The following ITGA7 variants were observed in gnomAD, a reference collection of about 807,000 sequenced individuals.
ITGA7 encodes the protein integrin alpha-7.
In ITGA7, 84 loss-of-function variants were observed where a neutral mutation model predicts 131.6. The ratio of observed to expected loss-of-function variants is 0.64; its 90% CI spans 0.54 to 0.77. The LOEUF (loss-of-function observed/expected upper bound fraction) is 0.77. Ranked by LOEUF, ITGA7 falls within the 30% of genes least tolerant of loss-of-function variation. The probability of loss-of-function intolerance (pLI) is 0.00; values close to 1 mark genes in which losing one functional copy is unlikely to be tolerated. For synonymous variants in ITGA7, 548 were observed against 600.7 expected, an observed-to-expected ratio of 0.91 and a Z score of 1.28; for missense variants, 1,399 against 1,482.9, an observed-to-expected ratio of 0.94 and a Z score of 0.93.
intron 11 of ITGA7, 22 bp from the exon 12 acceptor site, chr12:55,697,090 G>C (rs1301139200): frequency 6.2e-7 from 1 of 1,611,104 alleles, no homozygotes; most frequent in East Asian, 2.2e-5. Context: ...TGGGAAAGGA[G>C]GAGCTGCTGA....
upstream of ITGA7, chr12:55,715,949 C>T: frequency 2.2e-6 from 3 of 1,375,322 alleles, 1 homozygote; most frequent in Non-Finnish European, 1.9e-6. Context: ...AAGAACACTT[C>T]ACCTGCCCTC....
chr12:55,707,672 G>A lies in ITGA7; in HGVS notation c.11C>T (p.Ala4Val), dbSNP rs1268760767. Residue 4 changes from alanine (A) to valine (V), a missense_variant, in exon 1 of 25, where the codon GCT becomes GTT. Coordinates refer to ENST00000257879, the MANE Select transcript of ITGA7 (RefSeq NM_002206.3). MAG[A>V]RSRDPWGASG... The stretch of plus-strand genomic sequence containing the variant: ...GGCCCCCCAAGGGTCGCGGCTCCGA[G>A]CCCCGGCCATGGGACGATCCCTGCG... 2 of 1,576,628 alleles carry A rather than the reference G, an allele frequency of 1.3e-6. No homozygotes were observed. The highest frequency in any genetic ancestry group is 8.6e-7 in the Non-Finnish European group (1 of 1,160,978).
chr12:55,696,910 A>G lies in ITGA7; in HGVS notation c.1726T>C (p.Phe576Leu). Reference protein sequence around the residue: ...QHDRVCGDAMFQLQENVKDKL... With the variant: ...QHDRVCGDAMLQLQENVKDKL... ...GGGTCAGTGTCCACCTGGAGCTGGAACATGGCGTCTCCACAGACTCGGTCA... is the reference window on the plus strand; with the variant it reads ...GGGTCAGTGTCCACCTGGAGCTGGAGCATGGCGTCTCCACAGACTCGGTCA... The change falls in exon 12 of 25, where the codon TTC becomes CTC. Residue 576 changes from phenylalanine to leucine, a missense_variant. Physicochemically the swap from Phe to Leu is conservative, Grantham distance 22. Transcript: ENST00000257879. 1 of 1,614,172 alleles carries G rather than the reference A, an allele frequency of 6.2e-7. No homozygotes were observed. The highest frequency in any genetic ancestry group is 1.1e-5 in the South Asian group (1 of 91,084).
At chr12:55,712,304 C>G, upstream of ITGA7, 1 of 1,469,348 alleles carries the variant, frequency 6.8e-7, no homozygotes, top group Non-Finnish European at 9.3e-7. Flanking sequence ...TCTTTGAGCA[C>G]TGGCTTCAGG....
In ITGA7 at chr12:55,695,569, G is replaced by C. The variant is rs765186458; in HGVS notation, c.1956C>G (p.Ala652=). Residue 652 remains alanine (A), a synonymous_variant, in exon 14 of 25, where the codon GCC becomes GCG. Coordinates refer to ENST00000257879, the MANE Select transcript of ITGA7 (RefSeq NM_002206.3). The stretch of plus-strand genomic sequence containing the variant: ...TGTCGCTGACCCGGGTACAGAAGCG[G>C]GCGCGGACCAGCTGCAGATTGCTCT... The part of the protein sequence containing the change: ...ICQSNLQLVR[A]RFCTRVSDTE... 3.7e-6 allele frequency: 6 copies of C among 1,613,948 alleles called. No homozygotes were observed. Among genetic ancestry groups the C allele is most frequent in the Non-Finnish European group, 5.1e-6 (6 of 1,179,976 alleles).
chr12:55,693,354 GT>G lies in ITGA7; in HGVS notation c.2536-38del, dbSNP rs771698273. On this transcript the variant is annotated intron_variant, in intron 19 of 24. Coordinates refer to ENST00000257879, the MANE Select transcript of ITGA7 (RefSeq NM_002206.3). ...AGAGAGTATGAGGGGAGAGACCTCA[GT>G]TTTTCTTTTTTTTTTTTTTTTAATT... 1.2e-5 allele frequency: 16 copies of G among 1,352,296 alleles called. No homozygotes were observed. The Admixed American group carries it at 1.9e-4, about 16-fold the overall frequency. The allele number at this position is 1,352,296 out of a possible 1,614,324, so 83.8% of individuals were successfully genotyped here. A position where few individuals can be genotyped will look rare whatever the true frequency, so the allele number is the denominator to read the frequency against.
In ITGA7 at chr12:55,695,577, C is replaced by T; in HGVS notation, c.1948G>A (p.Val650Ile). The T allele has an allele frequency of 6.2e-7, 1 of 1,613,952 alleles. No homozygotes were observed. Among genetic ancestry groups the T allele is most frequent in the Non-Finnish European group, 8.5e-7 (1 of 1,179,976 alleles). ...ACCCGGGTACAGAAGCGGGCGCGGA[C>T]CAGCTGCAGATTGCTCTGGCAGATC... ...DKICQSNLQL[V>I]RARFCTRVSD... Residue 650 changes from valine to isoleucine, a missense_variant, in exon 14 of 25, where the codon GTC becomes ATC. Val to Ile is a conservative substitution (Grantham distance 29, BLOSUM62 3). Transcript: ENST00000257879.
intron 22 of ITGA7, 100 bp downstream of exon 22, chr12:55,688,744 G>A (rs1194592744): frequency 6.8e-6 from 6 of 880,290 alleles, no homozygotes; most frequent in South Asian, 4.2e-5. Context: ...AAAGGGGGGG[G>A]ATGCTGCATT....
intron 21 of ITGA7, among the ~76,000 whole-genome samples, chr12:55,690,054 G>A (rs946158405): frequency 6.6e-6 from 1 of 152,170 alleles, no homozygotes; most frequent in East Asian, 1.9e-4. Flanking sequence ...TCAGGACATA[G>A]GCATGGGCAA....
chr12:55,688,332 A>G (rs1324469361), intron 22 of ITGA7, 32 bp from the exon 23 acceptor site: 1 of 1,457,926 alleles, frequency 6.9e-7, no homozygotes, highest in Non-Finnish European at 9.6e-7. Context: ...CCCTTCTCCT[A>G]AATGCCCCAT....
Position 55,699,898 on chromosome 12 carries a change from G to A in ITGA7, c.762C>T (p.Ala254=), listed in dbSNP as rs376003902. 214 of 1,612,310 alleles carry A rather than the reference G, an allele frequency of 1.3e-4. 1 individual carries two copies. Among genetic ancestry groups the A allele is most frequent in the South Asian group, 5.1e-4 (46 of 90,564 alleles). Residue 254 remains alanine, a synonymous_variant, in exon 5 of 25, where the codon GCC becomes GCT. Transcript: ENST00000257879. ...LDPADRLPGP[A]GDLALNSYLG... ...AGTAGCTATTGAGGGCCAAGTCTCC[G>A]GCTGGTCCTGGGAGCCGGTCAGCAG...
intron 22 of ITGA7, 137 bp from the exon 23 acceptor site, chr12:55,688,437 C>G (rs1280359187): frequency 3.9e-6 from 3 of 772,832 alleles, no homozygotes; most frequent in Non-Finnish European, 4.5e-6. Flanking sequence ...GAGTATGCTG[C>G]GTTTGGGCTG....
Position 55,696,435 on chromosome 12 carries a change from AG to A in ITGA7, c.1738-4del. On this transcript the variant is annotated splice_region_variant and splice_polypyrimidine_tract_variant and intron_variant, in intron 12 of 24. Coordinates refer to ENST00000257879, the MANE Select transcript of ITGA7 (RefSeq NM_002206.3). ...CGAAGCTTGTCTTTGACATTTTCCT[AG>A]GAAGAGGAAGGTCTATTCCTCACTG... is the stretch of plus-strand genomic sequence containing the variant. The A allele has an allele frequency of 6.3e-7, 1 of 1,594,268 alleles. No individual in the cohort carries two copies. The highest frequency in any genetic ancestry group is 8.6e-7 in the Non-Finnish European group (1 of 1,168,604).
chr12:55,703,949 C>T (rs1874633778), intron 1 of ITGA7, among the ~76,000 whole-genome samples: 1 of 152,232 alleles, frequency 6.6e-6, no homozygotes, highest in Non-Finnish European at 1.5e-5. Flanking sequence ...CCCTCAGCCT[C>T]TTTCCCAGCT....
In ITGA7 at chr12:55,699,878, C is replaced by A; in HGVS notation, c.782G>T (p.Ser261Ile). The A allele has an allele frequency of 6.2e-7, 1 of 1,607,232 alleles. No homozygotes were observed. Among genetic ancestry groups the A allele is most frequent in the Non-Finnish European group, 8.5e-7 (1 of 1,177,276 alleles). The change falls in exon 5 of 25, where the codon AGC becomes ATC. Residue 261 changes from serine (S) to isoleucine (I), a missense_variant. Transcript: ENST00000257879. ...PGPAGDLALN[S>I]YLGFSIDSGK... ...GGTGGGAGCTTACAAACCTAAGTAG[C>A]TATTGAGGGCCAAGTCTCCGGCTGG...
Position 55,697,245 on chromosome 12 carries a change from G to A in ITGA7, c.1538C>T (p.Ala513Val), listed in dbSNP as rs1299540876. The A allele has an allele frequency of 6.3e-7, 1 of 1,598,778 alleles. No individual in the cohort carries two copies. The highest frequency in any genetic ancestry group is 8.5e-7 in the Non-Finnish European group (1 of 1,172,860). ...AGTAGGGCTATAGCTGCTGGGGACT[G>A]CAATGTAGCTGAAACAGACCCTTAG... is the stretch of plus-strand genomic sequence containing the variant. ...VDLRVCFSYI[A>V]VPSSYSPTVA... The change falls in exon 11 of 25, where the codon GCA becomes GTA. Residue 513 changes from alanine (A) to valine (V), a missense_variant. Ala to Val is a moderately conservative substitution (Grantham distance 64, BLOSUM62 0). Coordinates refer to ENST00000257879, the MANE Select transcript of ITGA7 (RefSeq NM_002206.3).
At position 55,684,599 on chromosome 12, in the gene ITGA7, C is replaced by T. The variant is rs187883419; in HGVS notation, c.*459G>A. On this transcript the variant is annotated 3_prime_UTR_variant, in exon 25 of 25. Coordinates refer to ENST00000257879, the MANE Select transcript of ITGA7 (RefSeq NM_002206.3). ...TCTCAAATATTTTTTAATAAATAGA[C>T]GAAACCACGAAACCACTAGACTGAT... 84 of 171,512 alleles carry T rather than the reference C, an allele frequency of 4.9e-4. No homozygotes were observed. Among genetic ancestry groups the T allele is most frequent in the Admixed American group, 1.3e-3 (22 of 17,384 alleles). 10.6% of individuals were successfully genotyped at this position (171,512 alleles called of 1,614,324 possible). A position where few individuals can be genotyped will look rare whatever the true frequency, so the allele number is the denominator to read the frequency against.
At chr12:55,713,458 T>A (rs1003519451), upstream of ITGA7, among the ~76,000 whole-genome samples, 3 of 152,216 alleles carry the variant, frequency 2.0e-5, no homozygotes, top group African/African-American at 7.2e-5. Flanking sequence ...AGACTCAGGC[T>A]CTGGAGTCAG....
In ITGA7 at chr12:55,707,820, G is replaced by GGGCCC; in HGVS notation, c.-139_-138insGGGCC. The GGGCCC allele has an allele frequency of 2.1e-6, 3 of 1,455,770 alleles. No homozygotes were observed. The highest frequency in any genetic ancestry group is 1.8e-6 in the Non-Finnish European group (2 of 1,102,482). 90.2% of individuals were successfully genotyped at this position (1,455,770 alleles called of 1,614,324 possible). ...CGTCTCCCAGACGTTCGCCCCGCCA[G>GGGCCC]CCCTCCCGCCCGCCCGCCGCTCCGC... On this transcript the variant is annotated 5_prime_UTR_variant, in exon 1 of 25. Transcript: ENST00000257879.
Sources: allele counts gnomAD v4.1 joint callset (sites outside exome capture counted in the v4.1 genomes callset), GRCh38; gene constraint gnomAD v4.1.1; transcripts MANE v1.5; gene names NCBI Gene and HGNC (gene_info 2026-07-23, HGNC 2026-07-21).